Variants in NCAM2 observed in about 807,000 individuals in gnomAD.
NCAM2 encodes the protein N-CAM-2.
In NCAM2, 30 loss-of-function variants were observed where a neutral mutation model predicts 98.1. The observed-to-expected ratio is 0.31, with a 90% CI of 0.23 to 0.41. NCAM2 has a LOEUF of 0.41. Among genes scored for constraint, NCAM2 ranks in the 10% least tolerant of loss-of-function variants. NCAM2 has a pLI of 1.00. For synonymous variants in NCAM2, 368 were observed against 342.4 expected (o/e 1.07, Z -0.83); for missense variants, 867 against 1,005.8 (o/e 0.86, Z 1.87).
At chr21:21,409,372 T>A (rs2076810567) in intron 9 of NCAM2, among the ~76,000 whole-genome samples, 1 of 152,186 alleles carries the variant, frequency 6.6e-6, no homozygotes, top group Non-Finnish European at 1.5e-5. Context: ...GAATAGGAAC[T>A]GGTTACTTTT....
intron 11 of NCAM2, among the ~76,000 whole-genome samples, chr21:21,427,358 A>G (rs2077237074): frequency 1.3e-5 from 2 of 152,226 alleles, no homozygotes; most frequent in Non-Finnish European, 2.9e-5. Context: ...AAGACATGTC[A>G]TTCAGAGATG....
chr21:21,347,959 A>G (rs2075233522), intron 8 of NCAM2, among the ~76,000 whole-genome samples: 1 of 152,124 alleles, frequency 6.6e-6, no homozygotes, highest in Non-Finnish European at 1.5e-5. Flanking sequence ...GAAGGAATAT[A>G]TGTCAAAATA....
At chr21:21,503,445 G>A (rs1485203701) in intron 15 of NCAM2, among the ~76,000 whole-genome samples, 5 of 151,670 alleles carry the variant, frequency 3.3e-5, no homozygotes, top group African/African-American at 1.2e-4. Flanking sequence ...AGACATGCTG[G>A]ATAAAGGGAT....
At chr21:21,433,676 G>A (rs1315433250) in intron 12 of NCAM2, among the ~76,000 whole-genome samples, 1 of 151,018 alleles carries the variant, frequency 6.6e-6, no homozygotes, top group Non-Finnish European at 1.5e-5. Context: ...CTGGGAGGTG[G>A]AGCTTGCAGT....
chr21:21,459,687 C>T (rs1305599854), intron 12 of NCAM2, among the ~76,000 whole-genome samples: 1 of 151,372 alleles, frequency 6.6e-6, no homozygotes, highest in Non-Finnish European at 1.5e-5. Flanking sequence ...GAATCATACT[C>T]ATAGAAGCAG....
At chr21:21,105,693 C>T (rs527270543) in intron 1 of NCAM2, among the ~76,000 whole-genome samples, 214 of 152,162 alleles carry the variant, frequency 1.4e-3, no homozygotes, top group Non-Finnish European at 2.1e-3. Flanking sequence ...TCTTCATTGG[C>T]AAGACTGGAA....
chr21:21,245,588 C>G (rs2147260120), intron 1 of NCAM2, among the ~76,000 whole-genome samples: 1 of 152,324 alleles, frequency 6.6e-6, no homozygotes, highest in South Asian at 2.1e-4. Context: ...GTATCTCCTT[C>G]TTTGGACCCA....
intron 1 of NCAM2, among the ~76,000 whole-genome samples, chr21:21,030,537 A>ATTCGTATC (rs1439441315): frequency 1.3e-5 from 2 of 152,160 alleles, no homozygotes; most frequent in Non-Finnish European, 2.9e-5. Context: ...CCATCTCACG[A>ATTCGTATC]TTCGTATCTT....
chr21:21,498,121 A>G (rs1479174555), intron 15 of NCAM2, among the ~76,000 whole-genome samples: 1 of 152,102 alleles, frequency 6.6e-6, no homozygotes, highest in Non-Finnish European at 1.5e-5. Flanking sequence ...TGAACTCATT[A>G]TATACGTATG....
intron 15 of NCAM2, among the ~76,000 whole-genome samples, chr21:21,507,693 G>C (rs1438954074): frequency 1.3e-5 from 2 of 151,138 alleles, no homozygotes; most frequent in African/African-American, 2.4e-5. Flanking sequence ...GGGAGGCTGA[G>C]GCATGAGAAT....
intron 1 of NCAM2, among the ~76,000 whole-genome samples, chr21:21,184,885 G>T (rs2068589674): frequency 1.3e-5 from 2 of 152,042 alleles, no homozygotes; most frequent in South Asian, 4.1e-4. Context: ...TAGCACTTCT[G>T]CAGCCTATTT....
At chr21:21,387,555 A>G (rs749388513) in intron 9 of NCAM2, among the ~76,000 whole-genome samples, 3 of 152,180 alleles carry the variant, frequency 2.0e-5, no homozygotes, top group Non-Finnish European at 2.9e-5. Context: ...ACAGCTCAGT[A>G]TGATGTGATC....
chr21:21,453,001 T>A (rs13053119), intron 12 of NCAM2, among the ~76,000 whole-genome samples: 1 of 103,128 alleles, frequency 9.7e-6, no homozygotes, highest in Non-Finnish European at 1.8e-5. Context: ...TATTATATAA[T>A]ATATAATATA....
At chr21:21,229,494 A>G (rs990783571) in intron 1 of NCAM2, among the ~76,000 whole-genome samples, 2 of 151,578 alleles carry the variant, frequency 1.3e-5, no homozygotes, top group African/African-American at 2.4e-5. Flanking sequence ...GATACTTTGC[A>G]TACATACATT....
At chr21:21,172,553 A>G (rs2068158403) in intron 1 of NCAM2, among the ~76,000 whole-genome samples, 1 of 152,174 alleles carries the variant, frequency 6.6e-6, no homozygotes, top group East Asian at 1.9e-4. Context: ...ATATAACTAT[A>G]TAATCACTTG....
At chr21:21,241,018 T>A (rs1252739351) in intron 1 of NCAM2, among the ~76,000 whole-genome samples, 1 of 152,164 alleles carries the variant, frequency 6.6e-6, no homozygotes, top group Non-Finnish European at 1.5e-5. Context: ...TATGACAATA[T>A]CTTATATGAC....
chr21:21,131,813 A>T (rs1056875572), intron 1 of NCAM2, among the ~76,000 whole-genome samples: 1 of 152,286 alleles, frequency 6.6e-6, no homozygotes, highest in East Asian at 1.9e-4. Flanking sequence ...CCCAGTATGT[A>T]TTGAACTTCT....
chr21:21,435,286 T>G (rs1978295366), intron 12 of NCAM2, among the ~76,000 whole-genome samples: 1 of 152,190 alleles, frequency 6.6e-6, no homozygotes, highest in South Asian at 2.1e-4. Flanking sequence ...ACATAGTAGA[T>G]CAATCCTCTG....
chr21:21,002,892 T>G (rs2146105003), intron 1 of NCAM2, among the ~76,000 whole-genome samples: 1 of 152,272 alleles, frequency 6.6e-6, no homozygotes, highest in East Asian at 1.9e-4. Context: ...ATAGGCCTAT[T>G]TAAAAGATTA....
Sources: allele counts gnomAD v4.1 joint callset (sites outside exome capture counted in the v4.1 genomes callset), GRCh38; gene constraint gnomAD v4.1.1; transcripts MANE v1.5; gene names NCBI Gene and HGNC (gene_info 2026-07-23, HGNC 2026-07-21).